The following RPUSD1 variants were observed in gnomAD, a reference collection of about 807,000 sequenced individuals.
RPUSD1 encodes RNA pseudouridine synthase domain containing 1.
In RPUSD1, 28 loss-of-function variants were observed where a neutral mutation model predicts 22.4. The ratio of observed to expected loss-of-function variants is 1.25; its 90% CI spans 0.93 to 1.72. The LOEUF (loss-of-function observed/expected upper bound fraction) is 1.72. Ranked by LOEUF, RPUSD1 falls within the 40% of genes most tolerant of loss-of-function variation. RPUSD1 has a pLI of 0.00. For synonymous variants in RPUSD1, 298 were observed against 201.0 expected (o/e 1.48, Z -4.08); for missense variants, 596 against 442.2 (o/e 1.35, Z -3.12).
chr16:786,551 G>C (rs367998671), intron 5 of RPUSD1, 174 bp from the exon 6 acceptor site: 3 of 779,752 alleles, frequency 3.8e-6, no homozygotes, highest in South Asian at 3.1e-5. Flanking sequence ...TAGGACAGAA[G>C]ATTGTGTTCA....
At chr16:787,964 C>T in intron 1 of RPUSD1, 2 of 593,964 alleles carry the variant, frequency 3.4e-6, no homozygotes, top group Non-Finnish European at 6.0e-6. Flanking sequence ...ACCTGAAGGG[C>T]CCTGCCTGAC....
chr16:785,714 C>A lies in RPUSD1; in HGVS notation c.*236G>T. 1 of 406,664 alleles carries A rather than the reference C, an allele frequency of 2.5e-6. No individual in the cohort carries two copies. The highest frequency in any genetic ancestry group is 4.3e-6 in the Non-Finnish European group (1 of 231,978). 25.2% of individuals were successfully genotyped at this position (406,664 alleles called of 1,614,324 possible). A position where few individuals can be genotyped will look rare whatever the true frequency, so the allele number is the denominator to read the frequency against. On this transcript the variant is annotated 3_prime_UTR_variant, in exon 6 of 6. Coordinates refer to ENST00000007264, the MANE Select transcript of RPUSD1 (RefSeq NM_058192.3). ...CGGGGCATGTGGGCAGGAAGGCCCTCGGGATCCCGCATCAGTCCCACGGCC... is the reference window on the plus strand; with the variant it reads ...CGGGGCATGTGGGCAGGAAGGCCCTAGGGATCCCGCATCAGTCCCACGGCC...
At chr16:787,027 G>A (rs2041953436) in intron 4 of RPUSD1, 50 bp downstream of exon 4, 5 of 1,591,860 alleles carry the variant, frequency 3.1e-6, no homozygotes, top group Non-Finnish European at 3.4e-6. Context: ...TGCCTGCCCA[G>A]GCCCACCCCA....
chr16:786,983 C>T (rs2041950860), intron 4 of RPUSD1, 55 bp from the exon 5 acceptor site: 30 of 1,567,724 alleles, frequency 1.9e-5, no homozygotes, highest in Non-Finnish European at 2.5e-5. Context: ...GGCCCAGGCC[C>T]ACCCCAACGC....
Position 787,636 on chromosome 16 carries a change from C to T in RPUSD1, c.102G>A (p.Trp34Ter), listed in dbSNP as rs1315074153. 7 of 1,612,278 alleles carry T rather than the reference C, an allele frequency of 4.3e-6. No individual in the cohort carries two copies. The highest frequency in any genetic ancestry group is 5.9e-6 in the Non-Finnish European group (7 of 1,179,976). ...GCTTCTGCAGGGTCAGAGTCTCCCG[C>T]CACGCCTTGCTGTCAATGCGAACGT... is the stretch of plus-strand genomic sequence containing the variant. ...HWDVRIDSKA[W>*]RETLTLQKQL... Residue 34 changes from tryptophan to a stop codon, truncating the protein, a stop_gained, in exon 2 of 6, where the codon TGG (tryptophan) becomes TGA (stop). Transcript: ENST00000007264. LOFTEE classifies it high-confidence loss of function.
chr16:787,803 A>G, intron 1 of RPUSD1, 59 bp from the exon 2 acceptor site: 1 of 1,552,506 alleles, frequency 6.4e-7, no homozygotes. Context: ...CCAGCCCAGC[A>G]TACAGAGGTA....
chr16:787,879 C>A lies in RPUSD1; in HGVS notation c.-7-135G>T, dbSNP rs2042009844. ...GCCGGGTCCGCAGCCCTACTGTGCACCTGCATCCTCAGTCCCCGAGATCAG... is the reference window on the plus strand; with the variant it reads ...GCCGGGTCCGCAGCCCTACTGTGCAACTGCATCCTCAGTCCCCGAGATCAG... On this transcript the variant is annotated intron_variant, in intron 1 of 5. Transcript: ENST00000007264. 5 of 790,770 alleles carry A rather than the reference C, an allele frequency of 6.3e-6. No homozygotes were observed. In the South Asian group the frequency reaches 8.6e-5, roughly 14 times the overall value. The allele number at this position is 790,770 out of a possible 1,614,324, so 49.0% of individuals were successfully genotyped here. A position where few individuals can be genotyped will look rare whatever the true frequency, so the allele number is the denominator to read the frequency against.
chr16:786,979 G>A (rs2041950448), intron 4 of RPUSD1, 51 bp from the exon 5 acceptor site: 4 of 1,570,766 alleles, frequency 2.5e-6, no homozygotes, highest in South Asian at 1.2e-5. Flanking sequence ...CCGGGGCCCA[G>A]GCCCACCCCA....
In RPUSD1 at chr16:787,352, A is replaced by G; in HGVS notation, c.306+2T>C. On this transcript the variant is annotated splice_donor_variant, in intron 3 of 5. Transcript: ENST00000007264. LOFTEE classifies it high-confidence loss of function. ...CCCACCCCAGGACTGACCAGGTCTTACCAATGCCAGGTAAGCCTTGGTCAC... is the reference window on the plus strand; with the variant it reads ...CCCACCCCAGGACTGACCAGGTCTTGCCAATGCCAGGTAAGCCTTGGTCAC... The G allele has an allele frequency of 6.3e-7, 1 of 1,583,128 alleles. No individual in the cohort carries two copies. The highest frequency in any genetic ancestry group is 8.6e-7 in the Non-Finnish European group (1 of 1,165,386).
intron 3 of RPUSD1, 51 bp from the exon 4 acceptor site, chr16:787,230 CG>C: frequency 1.3e-6 from 2 of 1,558,028 alleles, no homozygotes. Context: ...CCAGTGCTGC[CG>C]GGGAGCCCAC....
At position 788,313 on chromosome 16, in the gene RPUSD1, C is replaced by T. The variant is rs560113721; in HGVS notation, c.-65G>A. The stretch of plus-strand genomic sequence containing the variant: ...TGCCGTGCCCGGCGCCGGCTCCAGC[C>T]GCGCGCCCGCGCGCTGGCGACCCAG... On this transcript the variant is annotated 5_prime_UTR_variant, in exon 1 of 6. Coordinates refer to ENST00000007264, the MANE Select transcript of RPUSD1 (RefSeq NM_058192.3). 166 of 222,596 alleles carry T rather than the reference C, an allele frequency of 7.5e-4. 5 individuals carry two copies. In the South Asian group the frequency reaches 8.0e-3, roughly 11 times the overall value. 13.8% of individuals were successfully genotyped at this position (222,596 alleles called of 1,614,324 possible).
chr16:786,529 G>T, intron 5 of RPUSD1, 152 bp from the exon 6 acceptor site: 1 of 791,920 alleles, frequency 1.3e-6, no homozygotes, highest in Non-Finnish European at 2.1e-6. Flanking sequence ...CATGAGTGAG[G>T]ATGACAGTAT....
intron 5 of RPUSD1, 52 bp from the exon 6 acceptor site, chr16:786,429 C>G: frequency 3.2e-6 from 5 of 1,548,650 alleles, no homozygotes; most frequent in Non-Finnish European, 3.5e-6. Flanking sequence ...CCGATCCACA[C>G]CTATCTCCCT....
At position 785,926 on chromosome 16, in the gene RPUSD1, C is replaced by A. The variant is rs1596717048; in HGVS notation, c.*24G>T. 8 of 1,426,122 alleles carry A rather than the reference C, an allele frequency of 5.6e-6. No individual in the cohort carries two copies. The highest frequency in any genetic ancestry group is 7.3e-6 in the Non-Finnish European group (8 of 1,092,140). The allele number at this position is 1,426,122 out of a possible 1,614,324, so 88.3% of individuals were successfully genotyped here. A position where few individuals can be genotyped will look rare whatever the true frequency, so the allele number is the denominator to read the frequency against. On this transcript the variant is annotated 3_prime_UTR_variant, in exon 6 of 6. Coordinates refer to ENST00000007264, the MANE Select transcript of RPUSD1 (RefSeq NM_058192.3). The stretch of plus-strand genomic sequence containing the variant: ...CTAGAGTCCCGCTGTGCAGCTGACA[C>A]CCCCTGCCCCAGCCCCACGGCTCTC...
At position 786,249 on chromosome 16, in the gene RPUSD1, G is replaced by A. The variant is rs2041905385; in HGVS notation, c.640C>T (p.Arg214Cys). 5 of 1,612,670 alleles carry A rather than the reference G, an allele frequency of 3.1e-6. No homozygotes were observed. The highest frequency in any genetic ancestry group is 1.3e-5 in the African/African-American group (1 of 74,938). ...FRMMLHAFYL[R>C]IPTDTECVEV... ...ACACACTCGGTGTCCGTGGGGATGC[G>A]CAGGTAGAAAGCGTGCAGCATCATT... The change falls in exon 6 of 6, where the codon CGC (arginine) becomes TGC (cysteine). Residue 214 changes from arginine to cysteine, a missense_variant. Physicochemically the swap from Arg to Cys is radical, Grantham distance 180 (BLOSUM62 -3). Transcript: ENST00000007264.
rs775849677 is a variant in RPUSD1, at chr16:787,157, C to T, written c.329G>A (p.Ser110Asn). Reference protein sequence around the residue: ...LALLRGHIQESRVTISHAIGR... With the variant: ...LALLRGHIQENRVTISHAIGR... ...AATGGCATGGCTGATGGTTACCCGG[C>T]TCTCCTGGATGTGCCCCCGCAGCTG... Residue 110 changes from serine to asparagine, a missense_variant, in exon 4 of 6, where the codon AGC becomes AAC. Ser to Asn is a conservative substitution (Grantham distance 46, BLOSUM62 1). Coordinates refer to ENST00000007264, the MANE Select transcript of RPUSD1 (RefSeq NM_058192.3). 1.9e-6 allele frequency: 3 copies of T among 1,606,562 alleles called. No individual in the cohort carries two copies. The highest frequency in any genetic ancestry group is 2.2e-5 in the East Asian group (1 of 44,738).
rs775974460 is a variant in RPUSD1 at position 787,707 on chromosome 16, T to C, written c.31A>G (p.Ile11Val). The C allele has an allele frequency of 3.1e-6, 5 of 1,611,518 alleles. No individual in the cohort carries two copies. The highest frequency in any genetic ancestry group is 2.2e-5 in the East Asian group (1 of 44,886). The change falls in exon 2 of 6, where the codon ATC (isoleucine) becomes GTC (valine). Residue 11 changes from isoleucine to valine, a missense_variant. Physicochemically the swap from Ile to Val is conservative, Grantham distance 29 (BLOSUM62 3). Transcript: ENST00000007264. ...AGGAAGTCGCGGCTCCGGTACACGATGGACAGGTTCTCCACGCTGCCTGGC... is the reference window on the plus strand; with the variant it reads ...AGGAAGTCGCGGCTCCGGTACACGACGGACAGGTTCTCCACGCTGCCTGGC... MEPGSVENLS[I>V]VYRSRDFLVV...
rs754067542 is a variant in RPUSD1, at chr16:787,682, AG to A, written c.55del (p.Leu19TrpfsTer20). The A allele has an allele frequency of 1.9e-6, 3 of 1,612,240 alleles. No individual in the cohort carries two copies. Among genetic ancestry groups the A allele is most frequent in the Non-Finnish European group, 2.5e-6 (3 of 1,179,922 alleles). On this transcript the variant is annotated frameshift_variant, in exon 2 of 6. Transcript: ENST00000007264. LOFTEE classifies it high-confidence loss of function. ...LSIVYRSRDFLVVNKHWDVRI... is the reference protein window; with the variant it reads ...LSIVYRSRDFXVVNKHWDVRI... ...AACGTCCCAGTGCTTGTTGACCACC[AG>A]GAAGTCGCGGCTCCGGTACACGATG...
Position 785,915 on chromosome 16 carries a change from T to A in RPUSD1, c.*35A>T. ...CGCCCATCTCCCTAGAGTCCCGCTG[T>A]GCAGCTGACACCCCCTGCCCCAGCC... On this transcript the variant is annotated 3_prime_UTR_variant, in exon 6 of 6. Transcript: ENST00000007264. 7.1e-7 allele frequency: 1 copy of A among 1,417,318 alleles called. No homozygotes were observed. Among genetic ancestry groups the A allele is most frequent in the Non-Finnish European group, 9.2e-7 (1 of 1,085,648 alleles). 87.8% of individuals were successfully genotyped at this position (1,417,318 alleles called of 1,614,324 possible). A position where few individuals can be genotyped will look rare whatever the true frequency, so the allele number is the denominator to read the frequency against.
Sources: allele counts gnomAD v4.1 joint callset, GRCh38; gene constraint gnomAD v4.1.1; transcripts MANE v1.5; gene names NCBI Gene and HGNC (gene_info 2026-07-23, HGNC 2026-07-21).